Variants in LRRIQ3 observed in about 807,000 individuals in gnomAD.
LRRIQ3 encodes the protein leucine rich repeats and IQ motif containing 3.
A neutral mutation model predicts 59.3 loss-of-function variants in LRRIQ3; 75 were observed. The observed-to-expected ratio is 1.26, with a 90% CI of 1.05 to 1.53. LRRIQ3 has a LOEUF of 1.53. Among genes scored for constraint, LRRIQ3 ranks in the 40% most tolerant of loss-of-function variants. The pLI is 0.00. For missense variants in LRRIQ3, 831 were observed against 710.0 expected (o/e 1.17, Z -1.94); for synonymous variants, 250 against 231.3 (o/e 1.08, Z -0.73).
intron 6 of LRRIQ3, among the ~76,000 whole-genome samples, chr1:74,047,651 G>A (rs1654245387): frequency 2.0e-5 from 3 of 152,014 alleles, no homozygotes; most frequent in African/African-American, 4.8e-5. Flanking sequence ...CCATCTGTGA[G>A]CACACAGCCA....
At chr1:74,132,383 C>G (rs2100613846) in intron 4 of LRRIQ3, among the ~76,000 whole-genome samples, 1 of 152,204 alleles carries the variant, frequency 6.6e-6, no homozygotes, top group Non-Finnish European at 1.5e-5. Flanking sequence ...TCATATGGAA[C>G]CAAAAATGAG....
At chr1:74,170,296 T>A (rs962902771) in intron 3 of LRRIQ3, among the ~76,000 whole-genome samples, 4 of 152,192 alleles carry the variant, frequency 2.6e-5, no homozygotes, top group African/African-American at 9.6e-5. Context: ...TTCTAGAAGT[T>A]TTATAGATTC....
At chr1:74,071,352 AAC>A (rs1655024173) in intron 6 of LRRIQ3, among the ~76,000 whole-genome samples, 1 of 152,108 alleles carries the variant, frequency 6.6e-6, no homozygotes, top group Non-Finnish European at 1.5e-5. Context: ...CTGTTAAATA[AAC>A]ACAGAGTCTG....
intron 7 of LRRIQ3, among the ~76,000 whole-genome samples, chr1:74,032,246 C>T (rs189424235): frequency 7.0e-4 from 107 of 152,076 alleles, no homozygotes; most frequent in African/African-American, 2.4e-3. Context: ...CCTAGAACAA[C>T]CAATACAATC....
intron 1 of LRRIQ3, among the ~76,000 whole-genome samples, chr1:74,185,857 G>A (rs1414698492): frequency 6.6e-6 from 1 of 151,800 alleles, no homozygotes; most frequent in African/African-American, 2.4e-5. Context: ...GCAGGAGAAT[G>A]GTGTGAACCC....
chr1:74,031,052 C>T (rs1653693482), intron 7 of LRRIQ3, among the ~76,000 whole-genome samples: 1 of 152,128 alleles, frequency 6.6e-6, no homozygotes, highest in South Asian at 2.1e-4. Flanking sequence ...CAAATCAAAA[C>T]CACAGTGAGA....
In LRRIQ3 at chr1:74,081,425, A is replaced by G. The variant is rs539228833; in HGVS notation, c.868-6635T>C. Among the ~76,000 whole-genome samples the G allele has an allele frequency of 2.6e-5, 4 of 151,780 alleles. No individual in the cohort carries two copies. In the East Asian group the frequency reaches 7.7e-4, roughly 29 times the overall value. ...ATTGGAGGCACCAATGTGTAAATTAATGATGCCTACTCTTAGCTACACTAC... is the reference window on the plus strand; with the variant it reads ...ATTGGAGGCACCAATGTGTAAATTAGTGATGCCTACTCTTAGCTACACTAC... On this transcript the variant is annotated intron_variant, in intron 5 of 7. Transcript: ENST00000354431.
intron 4 of LRRIQ3, among the ~76,000 whole-genome samples, chr1:74,127,295 AT>A (rs991843006): frequency 1.3e-5 from 2 of 151,808 alleles, no homozygotes; most frequent in Non-Finnish European, 2.9e-5. Context: ...TTTTTCATCC[AT>A]TCAGCCACTC....
chr1:74,141,744 A>G (rs1432815557), intron 4 of LRRIQ3, among the ~76,000 whole-genome samples: 3 of 151,812 alleles, frequency 2.0e-5, no homozygotes, highest in Admixed American at 6.6e-5. Flanking sequence ...TAAAACTAAG[A>G]AAAAAACACA....
At chr1:74,127,645 G>A (rs1646955558) in intron 4 of LRRIQ3, among the ~76,000 whole-genome samples, 1 of 151,546 alleles carries the variant, frequency 6.6e-6, no homozygotes, top group Non-Finnish European at 1.5e-5. Context: ...ACTTTTTGTT[G>A]CTTCTATTTA....
At chr1:74,147,091 G>T (rs1647618951) in intron 4 of LRRIQ3, among the ~76,000 whole-genome samples, 1 of 152,070 alleles carries the variant, frequency 6.6e-6, no homozygotes, top group Non-Finnish European at 1.5e-5. Flanking sequence ...AGCCAGGCAT[G>T]GCAACGCGTG....
intron 4 of LRRIQ3, among the ~76,000 whole-genome samples, chr1:74,135,963 T>C (rs1024459785): frequency 5.3e-5 from 8 of 151,748 alleles, no homozygotes; most frequent in Admixed American, 6.6e-5. Context: ...CATTGATTCT[T>C]TGAAAATATC....
At position 74,026,677 on chromosome 1, in the gene LRRIQ3, T is replaced by C. The variant is rs1653525115; in HGVS notation, c.*136A>G. Reference sequence around the variant, plus strand: ...AGAGAAACATTTTAACTAATCTTTATATTTTTAGAAGACTTATATATAAAT... The same window carrying C: ...AGAGAAACATTTTAACTAATCTTTACATTTTTAGAAGACTTATATATAAAT... On this transcript the variant is annotated 3_prime_UTR_variant, in exon 8 of 8. Transcript: ENST00000354431. 1 of 674,736 alleles carries C rather than the reference T, an allele frequency of 1.5e-6. No individual in the cohort carries two copies. Among genetic ancestry groups the C allele is most frequent in the South Asian group, 2.6e-5 (1 of 38,540 alleles). The allele number at this position is 674,736 out of a possible 1,614,324, so 41.8% of individuals were successfully genotyped here.
Position 74,084,091 on chromosome 1 carries a change from A to G in LRRIQ3, c.868-9301T>C, listed in dbSNP as rs1570087819. 36 of 1,396,744 alleles carry G rather than the reference A, an allele frequency of 2.6e-5. 1 individual carries two copies. The East Asian group carries it at 8.9e-4, about 35-fold the overall frequency. 86.5% of individuals were successfully genotyped at this position (1,396,744 alleles called of 1,614,324 possible). On this transcript the variant is annotated intron_variant, in intron 5 of 7. Coordinates refer to ENST00000354431, the MANE Select transcript of LRRIQ3 (RefSeq NM_001105659.2). ...GTACAGCTGATATCCCTAGTGTCCA[A>G]TCAGAGACAAGTTTTCATCCTGTTG...
intron 7 of LRRIQ3, among the ~76,000 whole-genome samples, chr1:74,036,463 G>A (rs1653876533): frequency 6.6e-6 from 1 of 151,898 alleles, no homozygotes; most frequent in South Asian, 2.1e-4. Context: ...GTTGTCCCTG[G>A]GTCTTCATTT....
intron 4 of LRRIQ3, among the ~76,000 whole-genome samples, chr1:74,137,593 G>A (rs1035436743): frequency 1.3e-5 from 2 of 151,988 alleles, no homozygotes; most frequent in Admixed American, 1.3e-4. Flanking sequence ...CCATTATGGA[G>A]TATAAACCCA....
At chr1:74,120,415 T>C (rs896056923) in intron 4 of LRRIQ3, among the ~76,000 whole-genome samples, 8 of 152,034 alleles carry the variant, frequency 5.3e-5, no homozygotes, top group Non-Finnish European at 8.8e-5. Flanking sequence ...AGTGCTGGCC[T>C]CTATGTTGTT....
chr1:74,085,626 T>C (rs1008768089), intron 5 of LRRIQ3, among the ~76,000 whole-genome samples: 2 of 151,908 alleles, frequency 1.3e-5, no homozygotes, highest in Non-Finnish European at 2.9e-5. Context: ...GAATAAATTA[T>C]TCCAAAATAA....
chr1:74,049,958 C>G (rs570413343), intron 6 of LRRIQ3, among the ~76,000 whole-genome samples: 9 of 142,772 alleles, frequency 6.3e-5, no homozygotes, highest in Admixed American at 2.2e-4. Flanking sequence ...GAGTCTCACT[C>G]TGTTGCCCAG....
Sources: gnomAD v4.1 joint callset for allele counts (sites outside exome capture counted in the v4.1 genomes callset) on GRCh38, gnomAD v4.1.1 for gene constraint, MANE v1.5 for transcripts, NCBI Gene and HGNC (gene_info 2026-07-23, HGNC 2026-07-21) for gene names.